The following ZMYM2 variants were observed in gnomAD, a reference collection of about 807,000 sequenced individuals.
ZMYM2 encodes zinc finger MYM-type protein 2.
Under a neutral mutation model 162.8 loss-of-function variants are expected in ZMYM2, and 56 were observed. The observed-to-expected ratio is 0.34, with a 90% CI of 0.28 to 0.43. The LOEUF (loss-of-function observed/expected upper bound fraction) is 0.43, where lower values mean the gene tolerates loss of function less well. ZMYM2 is among the 20% of genes least tolerant of loss of function. ZMYM2 has a pLI of 1.00. For synonymous variants in ZMYM2, 510 were observed against 541.6 expected (o/e 0.94, Z 0.81); for missense variants, 1,275 against 1,621.8 (o/e 0.79, Z 3.67).
chr13:19,939,947 A>T, the ZMYM2 span, among the ~76,000 whole-genome samples: 4 of 152,248 alleles, frequency 2.6e-5, no homozygotes, highest in Admixed American at 2.0e-4. Context: ...GTGAAAAGGA[A>T]TTAGGCGGTT....
At chr13:19,920,348 C>A in the ZMYM2 span, among the ~76,000 whole-genome samples, 5 of 152,056 alleles carry the variant, frequency 3.3e-5, no homozygotes, top group Non-Finnish European at 7.3e-5. Flanking sequence ...AGTACAGAAA[C>A]AAGTCTCAGA....
At chr13:19,977,325 A>G (rs9972003) in intron 2 of ZMYM2, among the ~76,000 whole-genome samples, 15,455 of 152,012 alleles carry the variant, frequency 0.1, 1,298 homozygotes, top group African/African-American at 0.22. Flanking sequence ...CCGGCCCTAA[A>G]GTGAATCTTT....
the ZMYM2 span, among the ~76,000 whole-genome samples, chr13:19,925,119 G>T: frequency 6.6e-6 from 1 of 152,202 alleles, no homozygotes; most frequent in Admixed American, 6.6e-5. Flanking sequence ...CCCAACCTCA[G>T]GTGATCTGCC....
intron 3 of ZMYM2, among the ~76,000 whole-genome samples, chr13:19,997,708 A>G (rs1004008850): frequency 1.3e-5 from 2 of 152,130 alleles, no homozygotes; most frequent in Non-Finnish European, 2.9e-5. Context: ...CTTATATGTA[A>G]AAATATAAAG....
intron 2 of ZMYM2, among the ~76,000 whole-genome samples, chr13:19,970,920 A>G (rs1021071090): frequency 7.9e-5 from 12 of 152,008 alleles, no homozygotes; most frequent in Non-Finnish European, 1.3e-4. Context: ...TCTTTGAAAG[A>G]GAGACATTTA....
At chr13:19,949,275 G>A in the ZMYM2 span, among the ~76,000 whole-genome samples, 1 of 152,072 alleles carries the variant, frequency 6.6e-6, no homozygotes, top group African/African-American at 2.4e-5. Context: ...GGGCATGGTG[G>A]GGCATGCCTG....
chr13:19,976,336 AAAAG>A (rs1332024672), intron 2 of ZMYM2, among the ~76,000 whole-genome samples: 140 of 150,348 alleles, frequency 9.3e-4, no homozygotes, highest in East Asian at 3.5e-3. Flanking sequence ...CAAAAAAAAA[AAAAG>A]AAAGAAAGAA....
rs1301613907 is a variant in ZMYM2, at chr13:19,977,994, A to G, written c.-10-15069A>G. Among the ~76,000 whole-genome samples the G allele has an allele frequency of 4.7e-5, 7 of 149,600 alleles. No individual in the cohort carries two copies. In the Admixed American group the frequency reaches 4.7e-4, roughly 10 times the overall value. ...CGGGTTCATGCCATTATCCTGCCTCAGCCTCCTGAGCAGCTGTGACTACAG... is the reference window on the plus strand; with the variant it reads ...CGGGTTCATGCCATTATCCTGCCTCGGCCTCCTGAGCAGCTGTGACTACAG... On this transcript the variant is annotated intron_variant, in intron 2 of 24. Coordinates refer to ENST00000610343, the MANE Select transcript of ZMYM2 (RefSeq NM_197968.4).
At chr13:19,878,899 C>T in the ZMYM2 span, among the ~76,000 whole-genome samples, 1 of 152,116 alleles carries the variant, frequency 6.6e-6, no homozygotes, top group Non-Finnish European at 1.5e-5. Context: ...AATCTCTTAT[C>T]AGATATGTGT....
At chr13:19,944,117 A>G in the ZMYM2 span, among the ~76,000 whole-genome samples, 1 of 152,184 alleles carries the variant, frequency 6.6e-6, no homozygotes, top group East Asian at 1.9e-4. Context: ...TGCTGTGCAT[A>G]TCTAGAAGGA....
At position 20,031,455 on chromosome 13, in the gene ZMYM2, G is replaced by A. The variant is rs1437614024; in HGVS notation, c.1968+20G>A. On this transcript the variant is annotated intron_variant, in intron 10 of 24. Coordinates refer to ENST00000610343, the MANE Select transcript of ZMYM2 (RefSeq NM_197968.4). ...TGGGAGGCAAGTTGTATTTTGTAATGTGTGTTATCTAATGCTAAAAAGAAA... is the reference window on the plus strand; with the variant it reads ...TGGGAGGCAAGTTGTATTTTGTAATATGTGTTATCTAATGCTAAAAAGAAA... 1 of 1,496,736 alleles carries A rather than the reference G, an allele frequency of 6.7e-7. No homozygotes were observed. The highest frequency in any genetic ancestry group is 9.2e-7 in the Non-Finnish European group (1 of 1,088,012). The allele number at this position is 1,496,736 out of a possible 1,614,324, so 92.7% of individuals were successfully genotyped here.
chr13:19,883,637 T>C, the ZMYM2 span, among the ~76,000 whole-genome samples: 3 of 152,238 alleles, frequency 2.0e-5, no homozygotes, highest in African/African-American at 4.8e-5. Context: ...CTTTCCTTTT[T>C]GTCTTTTCAA....
chr13:19,934,012 C>T, the ZMYM2 span, among the ~76,000 whole-genome samples: 2 of 152,076 alleles, frequency 1.3e-5, no homozygotes, highest in Non-Finnish European at 2.9e-5. Context: ...TTCTCTATCA[C>T]CACATTTTAT....
intron 2 of ZMYM2, chr13:19,965,399 G>A: frequency 2.1e-6 from 1 of 476,958 alleles, no homozygotes. Flanking sequence ...CTTTTTCCTA[G>A]GAAGAATAGT....
chr13:20,071,178 G>A (rs9509024), intron 21 of ZMYM2: 69,160 of 151,936 alleles, frequency 0.46, 17,727 homozygotes, highest in East Asian at 0.69. Flanking sequence ...CTCTGCCTCC[G>A]GGTTCAAGCA....
In ZMYM2 at chr13:20,058,494, G is replaced by A. The variant is rs557802456; in HGVS notation, c.2494-81G>A. The A allele has an allele frequency of 7.9e-4, 1,187 of 1,497,708 alleles. 7 individuals are homozygous for A. In the Middle Eastern group the frequency reaches 0.013, roughly 16 times the overall value. The allele number at this position is 1,497,708 out of a possible 1,614,324, so 92.8% of individuals were successfully genotyped here. A position where few individuals can be genotyped will look rare whatever the true frequency, so the allele number is the denominator to read the frequency against. ...CTGCTTTTGTGTGTTCCCTTCTTAG[G>A]ACTGAAAATCCTTCATTGACACTAG... On this transcript the variant is annotated intron_variant, in intron 14 of 24. Transcript: ENST00000610343.
At chr13:19,955,859 T>G (rs1954500353), upstream of ZMYM2, among the ~76,000 whole-genome samples, 1 of 152,222 alleles carries the variant, frequency 6.6e-6, no homozygotes, top group African/African-American at 2.4e-5. Flanking sequence ...TCTGAGGTTT[T>G]GAGTGGCCAG....
intron 6 of ZMYM2, among the ~76,000 whole-genome samples, chr13:20,011,760 T>C: frequency 6.6e-6 from 1 of 151,526 alleles, no homozygotes; most frequent in Non-Finnish European, 1.5e-5. Context: ...TTTTTTTTTT[T>C]CTTTTTTGAG....
Position 20,059,454 on chromosome 13 carries a change from T to G in ZMYM2, c.2631T>G (p.Thr877=), listed in dbSNP as rs767595405. Residue 877 remains threonine (T), a synonymous_variant, in exon 16 of 25, where the codon ACT becomes ACG. Coordinates refer to ENST00000610343, the MANE Select transcript of ZMYM2 (RefSeq NM_197968.4). ...TATGTTTTGTGTTTTTAGATGATACTTGGAGGACAGAATATGTTCCAGTGC... is the reference window on the plus strand; with the variant it reads ...TATGTTTTGTGTTTTTAGATGATACGTGGAGGACAGAATATGTTCCAGTGC... ...MQTKSCQTDD[T]WRTEYVPVPI... The G allele has an allele frequency of 2.7e-5, 44 of 1,612,970 alleles. No individual in the cohort carries two copies. The highest frequency in any genetic ancestry group is 3.5e-5 in the Non-Finnish European group (41 of 1,179,124).
Sources: gnomAD v4.1 joint callset for allele counts (sites outside exome capture counted in the v4.1 genomes callset) on GRCh38, gnomAD v4.1.1 for gene constraint, MANE v1.5 for transcripts, NCBI Gene and HGNC (gene_info 2026-07-23, HGNC 2026-07-21) for gene names.